The following DDX11 variants were observed in gnomAD, a reference collection of about 807,000 sequenced individuals.
DDX11 encodes DEAD/H-box helicase 11, also known as ATP-dependent DNA helicase DDX11.
A neutral mutation model predicts 125.2 loss-of-function variants in DDX11; 72 were observed. That is an observed-to-expected ratio of 0.58 (90% CI 0.48 to 0.70). DDX11 has a LOEUF of 0.70. Ranked by LOEUF, DDX11 falls within the 30% of genes least tolerant of loss-of-function variation. The pLI is 0.00. For synonymous variants in DDX11, 347 were observed against 452.6 expected (o/e 0.77, Z 2.96); for missense variants, 883 against 1,165.0 (o/e 0.76, Z 3.52).
intron 14 of DDX11, among the ~76,000 whole-genome samples, chr12:31,095,239 A>G (rs1278232037): frequency 6.6e-6 from 1 of 152,212 alleles, no homozygotes; most frequent in African/African-American, 2.4e-5. Context: ...CGCTCCCCAG[A>G]TGAAACACGG....
At chr12:31,082,566 G>A (rs1424403823) in intron 2 of DDX11, among the ~76,000 whole-genome samples, 1 of 152,040 alleles carries the variant, frequency 6.6e-6, no homozygotes, top group Non-Finnish European at 1.5e-5. Flanking sequence ...GATCCCCTCT[G>A]GGTTCAGCAG....
intron 2 of DDX11, among the ~76,000 whole-genome samples, chr12:31,080,157 G>A (rs1941600155): frequency 6.8e-6 from 1 of 147,700 alleles, no homozygotes; most frequent in Admixed American, 6.8e-5. Flanking sequence ...TTTGTTGGGG[G>A]CCTCCAGTTG....
chr12:31,103,341 C>T lies in DDX11; in HGVS notation c.2482C>T (p.Pro828Ser), dbSNP rs776904196. Residue 828 changes from proline to serine, a missense_variant, in exon 25 of 27, where the codon CCA becomes TCA. Pro to Ser is a moderately conservative substitution (Grantham distance 74). Around this residue, in one of 5 missense-constraint regions of DDX11, gnomAD observed 285 missense variants for 346.0 expected, o/e 0.82. Transcript: ENST00000542838. ...GCCCAGAGCCCCCGGCCAGGCACCC[C>T]CAGGGAAGGCTCTGGTGGAGAACCT... ...TLPRAPGQAP[P>S]GKALVENLCM... The T allele has an allele frequency of 6.8e-5, 110 of 1,611,304 alleles. No homozygotes were observed. Among genetic ancestry groups the T allele is most frequent in the Non-Finnish European group, 9.0e-5 (106 of 1,179,690 alleles).
chr12:31,087,937 G>A lies in DDX11; in HGVS notation c.639-1G>A, dbSNP rs757533407. 1.2e-6 allele frequency: 2 copies of A among 1,609,148 alleles called. No homozygotes were observed. Among genetic ancestry groups the A allele is most frequent in the African/African-American group, 1.3e-5 (1 of 74,804 alleles). On this transcript the variant is annotated splice_acceptor_variant, in intron 5 of 26. Transcript: ENST00000542838. LOFTEE classifies it high-confidence loss of function. ...TTTTCTGTTCTCTCTCACACACACA[G>A]AGTGGATGAGGATGAGGATGACCTG...
rs1184092119 is a variant in DDX11 at position 31,096,989 on chromosome 12, A to G, written c.1761A>G (p.Gln587=). 6.2e-7 allele frequency: 1 copy of G among 1,613,556 alleles called. No individual in the cohort carries two copies. Among genetic ancestry groups the G allele is most frequent in the Non-Finnish European group, 8.5e-7 (1 of 1,179,850 alleles). Residue 587 remains glutamine, a splice_region_variant and synonymous_variant, in exon 17 of 27, where the codon CAA becomes CAG. Coordinates refer to ENST00000542838, the MANE Select transcript of DDX11 (RefSeq NM_030653.4). ...ACGGCAGGGTCATCCTGAGCCGCCA[A>G]GGTAATCAGGTGGTTCTTGGCCAGG... ...NQDGRVILSR[Q]GSLSQSTLKF... is the part of the protein sequence containing the mutation.
intron 19 of DDX11, 52 bp from the exon 20 acceptor site, chr12:31,100,975 C>T (rs537307763): frequency 6.6e-7 from 1 of 1,503,812 alleles, no homozygotes; most frequent in African/African-American, 1.4e-5. Context: ...TCTGCAGTGT[C>T]TTGCAGCACA....
Position 31,104,010 on chromosome 12 carries a change from A to G in DDX11, c.*174A>G. 6.4e-7 allele frequency: 1 copy of G among 1,555,900 alleles called. No homozygotes were observed. Among genetic ancestry groups the G allele is most frequent in the Non-Finnish European group, 8.7e-7 (1 of 1,149,792 alleles). ...AGGCACAGGCGTTAGCTCCCGTAGG[A>G]GAAAATGGGGGAATCCTGAATGAAC... On this transcript the variant is annotated 3_prime_UTR_variant, in exon 27 of 27. Coordinates refer to ENST00000542838, the MANE Select transcript of DDX11 (RefSeq NM_030653.4).
intron 9 of DDX11, among the ~76,000 whole-genome samples, chr12:31,090,812 T>C (rs1359513529): frequency 6.6e-6 from 1 of 152,238 alleles, no homozygotes; most frequent in Non-Finnish European, 1.5e-5. Context: ...GCACAGCAGC[T>C]AAATGCTCAC....
chr12:31,096,612 C>A, intron 15 of DDX11, 25 bp from the exon 16 acceptor site: 4 of 1,612,046 alleles, frequency 2.5e-6, no homozygotes, highest in Non-Finnish European at 3.4e-6. Flanking sequence ...CGTTCCTCTC[C>A]ACTGCTCTCT....
At position 31,102,950 on chromosome 12, in the gene DDX11, T is replaced by A; in HGVS notation, c.2387T>A (p.Val796Glu). The A allele has an allele frequency of 6.2e-7, 1 of 1,613,938 alleles. No individual in the cohort carries two copies. The highest frequency in any genetic ancestry group is 8.5e-7 in the Non-Finnish European group (1 of 1,179,836). The part of the protein sequence containing the change: ...SDNLGRCVVM[V>E]GMPFPNIRSA... Reference sequence around the variant, plus strand: ...CCCCCGCCCAGGTGTGTGGTGATGGTGGGCATGCCCTTCCCCAACATCAGG... The same window carrying A: ...CCCCCGCCCAGGTGTGTGGTGATGGAGGGCATGCCCTTCCCCAACATCAGG... The change falls in exon 24 of 27, where the codon GTG becomes GAG. Residue 796 changes from valine (V) to glutamate (E), a missense_variant. This residue lies in a region of DDX11 where 285 missense variants were observed against 346.0 expected (regional missense o/e 0.82). Transcript: ENST00000542838.
Position 31,103,880 on chromosome 12 carries a change from C to G in DDX11, c.*44C>G, listed in dbSNP as rs114737963. 4.5e-3 allele frequency: 7,297 copies of G among 1,613,942 alleles called. 292 individuals are homozygous for G. The African/African-American group carries it at 0.086, about 19-fold the overall frequency. On this transcript the variant is annotated 3_prime_UTR_variant, in exon 27 of 27. Transcript: ENST00000542838. ...CCTGGCGCCGTGCCCTTCCTTTGTC[C>G]TGCCCGCTGGAGACAGTGTTTGTCG...
At chr12:31,086,085 G>C (rs1310199510) in intron 5 of DDX11, 1 of 454,430 alleles carries the variant, frequency 2.2e-6, no homozygotes, top group Admixed American at 2.3e-5. Context: ...CCGCTGCCCT[G>C]AACTTCCTCC....
intron 17 of DDX11, among the ~76,000 whole-genome samples, chr12:31,097,595 G>A (rs1345866925): frequency 6.9e-6 from 1 of 145,302 alleles, no homozygotes; most frequent in Non-Finnish European, 1.5e-5. Flanking sequence ...CAGGAAAATT[G>A]CTTGAACCCA....
At chr12:31,092,116 C>G (rs1290279510) in intron 10 of DDX11, among the ~76,000 whole-genome samples, 1 of 152,270 alleles carries the variant, frequency 6.6e-6, no homozygotes, top group Non-Finnish European at 1.5e-5. Context: ...CCCTCCAGCC[C>G]TGGATGCCAG....
rs752828071 is a variant in DDX11 at position 31,090,101 on chromosome 12, G to T, written c.1089+7G>T. ...TGCCATCCCTGCAGCCCAGGTGAGG[G>T]CCCTGCAGGGCCAGAAAGCCGCTCT... On this transcript the variant is annotated splice_region_variant and intron_variant, in intron 9 of 26. Coordinates refer to ENST00000542838, the MANE Select transcript of DDX11 (RefSeq NM_030653.4). 32 of 1,549,094 alleles carry T rather than the reference G, an allele frequency of 2.1e-5. No homozygotes were observed. The highest frequency in any genetic ancestry group is 3.5e-6 in the Non-Finnish European group (4 of 1,146,376).
intron 6 of DDX11, 28 bp from the exon 7 acceptor site, chr12:31,089,016 T>C (rs770584472): frequency 1.3e-5 from 20 of 1,592,890 alleles, no homozygotes; most frequent in Middle Eastern, 3.3e-4. Flanking sequence ...GGTTCTCTCT[T>C]TGAAGCGCCT....
chr12:31,101,558 A>T, intron 20 of DDX11: 1 of 526,480 alleles, frequency 1.9e-6, no homozygotes, highest in Non-Finnish European at 3.4e-6. Flanking sequence ...AGAAGGGAGG[A>T]CTCAGTGCCA....
intron 8 of DDX11, 91 bp downstream of exon 8, chr12:31,089,581 A>G: frequency 7.2e-7 from 1 of 1,388,078 alleles, no homozygotes; most frequent in Non-Finnish European, 1.0e-6. Flanking sequence ...TGTCTTTCAT[A>G]GAAAGAATGG....
intron 2 of DDX11, among the ~76,000 whole-genome samples, chr12:31,080,789 G>T (rs1941762194): frequency 6.6e-6 from 1 of 152,166 alleles, no homozygotes. Flanking sequence ...CTGTTGCCCA[G>T]GGCCGAGTGC....
Sources: allele counts gnomAD v4.1 joint callset (sites outside exome capture counted in the v4.1 genomes callset), GRCh38; gene constraint gnomAD v4.1.1; regional missense constraint gnomAD v4.1.1; transcripts MANE v1.5; gene names NCBI Gene and HGNC (gene_info 2026-07-23, HGNC 2026-07-21).